Variants in ARHGAP24 observed in about 807,000 individuals in gnomAD.
ARHGAP24 encodes rho GTPase-activating protein 24.
In ARHGAP24, 50 loss-of-function variants were observed where a neutral mutation model predicts 76.4. That is an observed-to-expected ratio of 0.65 (90% CI 0.52 to 0.83). ARHGAP24 has a LOEUF of 0.83. Ranked by LOEUF, ARHGAP24 falls within the 40% of genes least tolerant of loss-of-function variation. The pLI, the probability that ARHGAP24 is intolerant of heterozygous loss-of-function variation, is 0.00. For missense variants in ARHGAP24, 930 were observed against 914.2 expected (o/e 1.02, Z -0.22); for synonymous variants, 345 against 323.3 (o/e 1.07, Z -0.72).
intron 3 of ARHGAP24, among the ~76,000 whole-genome samples, chr4:85,815,575 T>G (rs1197587829): frequency 6.6e-6 from 1 of 152,212 alleles, no homozygotes; most frequent in Non-Finnish European, 1.5e-5. Context: ...GTTCCTCATT[T>G]CCATCTGAGA....
intron 2 of ARHGAP24, among the ~76,000 whole-genome samples, chr4:85,704,912 C>T (rs1724253313): frequency 6.6e-6 from 1 of 151,868 alleles, no homozygotes; most frequent in South Asian, 2.1e-4. Context: ...GACCAAGGGT[C>T]AATAAGTTTT....
intron 3 of ARHGAP24, among the ~76,000 whole-genome samples, chr4:85,861,296 A>G (rs1202729208): frequency 1.3e-5 from 2 of 152,132 alleles, no homozygotes; most frequent in African/African-American, 4.8e-5. Context: ...CTCTTCCATT[A>G]TAACATGAGC....
At chr4:85,488,891 T>A (rs1176011563) in intron 1 of ARHGAP24, among the ~76,000 whole-genome samples, 6 of 152,204 alleles carry the variant, frequency 3.9e-5, no homozygotes, top group Non-Finnish European at 8.8e-5. Context: ...TTTGAAAGCA[T>A]TTTTATGGAG....
intron 9 of ARHGAP24, among the ~76,000 whole-genome samples, chr4:85,997,251 T>C (rs183776701): frequency 3.1e-4 from 47 of 151,992 alleles, no homozygotes; most frequent in Non-Finnish European, 2.9e-5. Context: ...GCATTGAAGG[T>C]AGATGGATGG....
intron 3 of ARHGAP24, among the ~76,000 whole-genome samples, chr4:85,782,054 A>G (rs1240357650): frequency 1.2e-5 from 1 of 85,358 alleles, no homozygotes; most frequent in Non-Finnish European, 2.9e-5. Context: ...AAAAAAAAGA[A>G]AAAAAAAAGA....
intron 3 of ARHGAP24, among the ~76,000 whole-genome samples, chr4:85,765,215 G>T (rs1726883223): frequency 6.6e-6 from 1 of 152,108 alleles, no homozygotes; most frequent in Middle Eastern, 3.2e-3. Flanking sequence ...GCTTAAAATT[G>T]TATGTTTTAA....
intron 4 of ARHGAP24, among the ~76,000 whole-genome samples, chr4:85,938,191 T>C (rs912125927): frequency 6.6e-6 from 1 of 152,162 alleles, no homozygotes; most frequent in African/African-American, 2.4e-5. Flanking sequence ...TCCTCGGTGA[T>C]GCTTTATGAC....
intron 4 of ARHGAP24, among the ~76,000 whole-genome samples, chr4:85,940,663 G>A (rs1285241412): frequency 6.6e-6 from 1 of 152,090 alleles, no homozygotes. Context: ...TACAAACCAA[G>A]CTAACTAGAC....
At chr4:85,878,075 T>G (rs187168646) in intron 3 of ARHGAP24, among the ~76,000 whole-genome samples, 124 of 152,318 alleles carry the variant, frequency 8.1e-4, no homozygotes, top group Non-Finnish European at 1.5e-3. Context: ...CTGTATCTAA[T>G]AAGTCTATTT....
At chr4:85,661,742 C>T (rs551211894) in intron 2 of ARHGAP24, among the ~76,000 whole-genome samples, 2 of 151,894 alleles carry the variant, frequency 1.3e-5, no homozygotes, top group South Asian at 2.1e-4. Flanking sequence ...TGTTGAATTC[C>T]CACCTATGAG....
intron 3 of ARHGAP24, among the ~76,000 whole-genome samples, chr4:85,753,814 A>T (rs1443410626): frequency 1.3e-5 from 2 of 152,162 alleles, no homozygotes; most frequent in Non-Finnish European, 2.9e-5. Flanking sequence ...GGTGCATGGG[A>T]TATTTCAATA....
intron 2 of ARHGAP24, among the ~76,000 whole-genome samples, chr4:85,593,767 G>A (rs544887274): frequency 1.3e-5 from 2 of 152,102 alleles, no homozygotes; most frequent in Non-Finnish European, 2.9e-5. Flanking sequence ...CACTGTTGAT[G>A]TGTGGATTTG....
chr4:85,640,017 T>C (rs1721468163), intron 2 of ARHGAP24, among the ~76,000 whole-genome samples: 1 of 152,160 alleles, frequency 6.6e-6, no homozygotes, highest in Non-Finnish European at 1.5e-5. Flanking sequence ...AGCTATGGCC[T>C]CTTCCTCCTC....
chr4:85,904,040 C>T (rs188046114), intron 3 of ARHGAP24, among the ~76,000 whole-genome samples: 1 of 152,152 alleles, frequency 6.6e-6, no homozygotes, highest in Non-Finnish European at 1.5e-5. Flanking sequence ...TTCTGGACAA[C>T]TTTTGATCAT....
intron 3 of ARHGAP24, among the ~76,000 whole-genome samples, chr4:85,819,704 A>C (rs1194548444): frequency 6.6e-6 from 1 of 152,150 alleles, no homozygotes; most frequent in Non-Finnish European, 1.5e-5. Context: ...AGATCACCTG[A>C]GGTCAGGAGT....
At chr4:85,756,821 A>G (rs1468345774) in intron 3 of ARHGAP24, among the ~76,000 whole-genome samples, 1 of 152,202 alleles carries the variant, frequency 6.6e-6, no homozygotes, top group Non-Finnish European at 1.5e-5. Flanking sequence ...CTGCAGTATA[A>G]TTCCAAAGCC....
chr4:85,626,430 C>G (rs187989136), intron 2 of ARHGAP24, among the ~76,000 whole-genome samples: 2 of 152,174 alleles, frequency 1.3e-5, no homozygotes, highest in African/African-American at 4.8e-5. Flanking sequence ...GAGTTTCTGT[C>G]GAGAGATCTG....
chr4:85,818,130 G>A (rs1371808052), intron 3 of ARHGAP24, among the ~76,000 whole-genome samples: 1 of 152,172 alleles, frequency 6.6e-6, no homozygotes, highest in Non-Finnish European at 1.5e-5. Context: ...AAAAGGGAAT[G>A]ACAAAAAATA....
chr4:85,510,523 C>G (rs991259149), intron 1 of ARHGAP24, among the ~76,000 whole-genome samples: 1 of 143,482 alleles, frequency 7.0e-6, no homozygotes, highest in African/African-American at 2.6e-5. Context: ...CCCCCTCACT[C>G]TCCCAACCCC....
Sources: gnomAD v4.1 joint callset for allele counts (sites outside exome capture counted in the v4.1 genomes callset) on GRCh38, gnomAD v4.1.1 for gene constraint, MANE v1.5 for transcripts, NCBI Gene and HGNC (gene_info 2026-07-23, HGNC 2026-07-21) for gene names.